Variants in MPPED1 observed in about 807,000 individuals in gnomAD.
MPPED1 encodes metallophosphoesterase domain-containing protein 1.
MPPED1 carries 16 observed loss-of-function variants against 36.2 expected under a neutral mutation model. That is an observed-to-expected ratio of 0.44 (90% CI 0.30 to 0.67). MPPED1 has a LOEUF of 0.67. MPPED1 is among the 30% of genes least tolerant of loss of function. MPPED1 has a pLI of 0.10. For missense variants in MPPED1, 307 were observed against 453.4 expected (o/e 0.68, Z 2.93); for synonymous variants, 199 against 191.3 (o/e 1.04, Z -0.33).
chr22:43,499,591 T>TG (rs1359923798), intron 5 of MPPED1, among the ~76,000 whole-genome samples: 2 of 86,146 alleles, frequency 2.3e-5, no homozygotes, highest in South Asian at 4.5e-4. Flanking sequence ...GTGGTGGTGG[T>TG]AGTGGAGGTG....
At chr22:43,495,497 G>GTGGTGGAAGTGCTGGTGA (rs1932258719) in intron 4 of MPPED1, among the ~76,000 whole-genome samples, 1 of 20,910 alleles carries the variant, frequency 4.8e-5, no homozygotes, top group Non-Finnish European at 7.6e-5. Context: ...GGAGGTAGTG[G>GTGGTGGAAGTGCTGGTGA]TGGTGGAGGT....
intron 1 of MPPED1, 91 bp downstream of exon 1, chr22:43,412,249 C>A: frequency 1.2e-6 from 1 of 825,298 alleles, no homozygotes; most frequent in Non-Finnish European, 1.5e-6. Flanking sequence ...CTGGGCGACG[C>A]CCGCGGCGCT....
At chr22:43,459,404 TA>T (rs1930866970) in intron 3 of MPPED1, among the ~76,000 whole-genome samples, 1 of 152,228 alleles carries the variant, frequency 6.6e-6, no homozygotes, top group African/African-American at 2.4e-5. Context: ...ATTGTTTCTT[TA>T]ACTACTCTTT....
rs116326530 is a variant in MPPED1, at chr22:43,435,298, T to C, written c.406+83T>C. On this transcript the variant is annotated intron_variant, in intron 3 of 6. Coordinates refer to ENST00000443721, the MANE Select transcript of MPPED1 (RefSeq NM_001044370.2). ...AGCTCCCGAGGCTGCCTGCCTGCCT[T>C]TCCCTCCTGCGCTGCCCGGGCCCCC... is the stretch of plus-strand genomic sequence containing the variant. The C allele has an allele frequency of 2.4e-3, 3,487 of 1,452,222 alleles. 73 individuals carry two copies. In the African/African-American group the frequency reaches 0.044, roughly 18 times the overall value. The allele number at this position is 1,452,222 out of a possible 1,614,324, so 90.0% of individuals were successfully genotyped here. A position where few individuals can be genotyped will look rare whatever the true frequency, so the allele number is the denominator to read the frequency against.
chr22:43,507,567 G>T lies in MPPED1; in HGVS notation c.*1951G>T, dbSNP rs1431101923. 6.6e-6 allele frequency: 1 copy of T among 152,188 alleles called. No individual in the cohort carries two copies. The highest frequency in any genetic ancestry group is 6.5e-5 in the Admixed American group (1 of 15,282). The allele number at this position is 152,188 out of a possible 1,614,324, so 9.4% of individuals were successfully genotyped here. ...CATGTGTGCGGGTGGAGAAAAGCAG[G>T]CCCTTTCAGTGCCAGCTCCACTCAA... On this transcript the variant is annotated 3_prime_UTR_variant, in exon 7 of 7. Coordinates refer to ENST00000443721, the MANE Select transcript of MPPED1 (RefSeq NM_001044370.2).
chr22:43,466,295 C>A (rs1440242105), intron 3 of MPPED1, among the ~76,000 whole-genome samples: 1 of 152,082 alleles, frequency 6.6e-6, no homozygotes, highest in African/African-American at 2.4e-5. Context: ...ATTGGGGGGT[C>A]TGCCATCCTA....
At chr22:43,454,027 G>A (rs1249193641) in intron 3 of MPPED1, among the ~76,000 whole-genome samples, 1 of 150,836 alleles carries the variant, frequency 6.6e-6, no homozygotes, top group East Asian at 1.9e-4. Context: ...TTTCTTTATT[G>A]AGACAGAGTT....
chr22:43,419,309 G>C (rs1228519956), intron 1 of MPPED1: 1 of 152,250 alleles, frequency 6.6e-6, no homozygotes, highest in African/African-American at 2.4e-5. Context: ...GGGGCTGTGG[G>C]TGGAGGCTCC....
chr22:43,449,566 C>T (rs959245946), intron 3 of MPPED1, among the ~76,000 whole-genome samples: 1 of 152,094 alleles, frequency 6.6e-6, no homozygotes. Flanking sequence ...GCTAGACCTC[C>T]GCCTGCCTCG....
rs1349528393 is a variant in MPPED1 at position 43,502,465 on chromosome 22, C to T, written c.749-179C>T. On this transcript the variant is annotated intron_variant, in intron 5 of 6. Transcript: ENST00000443721. The surrounding 1 kb of genome is among the most constrained non-coding windows in gnomAD (Gnocchi z 5.5). ...GAGGCTGCAAGGTCCTGAATGGTTTCAGTCCCTGAAGCCTGAGGCAGGGCA... is the reference window on the plus strand; with the variant it reads ...GAGGCTGCAAGGTCCTGAATGGTTTTAGTCCCTGAAGCCTGAGGCAGGGCA... Among the ~76,000 whole-genome samples the T allele has an allele frequency of 1.3e-5, 2 of 152,212 alleles. No homozygotes were observed. The highest frequency in any genetic ancestry group is 2.9e-5 in the Non-Finnish European group (2 of 68,028).
intron 4 of MPPED1, among the ~76,000 whole-genome samples, chr22:43,496,321 G>A (rs1397937633): frequency 5.8e-5 from 3 of 51,468 alleles, no homozygotes; most frequent in African/African-American, 6.3e-4. Context: ...TGGCGGAGAT[G>A]GTGGTGATGG....
chr22:43,457,465 C>T (rs1930794217), intron 3 of MPPED1, among the ~76,000 whole-genome samples: 2 of 152,022 alleles, frequency 1.3e-5, no homozygotes, highest in Admixed American at 6.6e-5. Context: ...AAATTTTAAT[C>T]TCTGCCTTCT....
chr22:43,475,792 T>C (rs548534720), intron 4 of MPPED1, among the ~76,000 whole-genome samples: 7 of 62,534 alleles, frequency 1.1e-4, no homozygotes, highest in Admixed American at 1.0e-3. Context: ...AGGGTGATGA[T>C]AGTATGGTGA....
chr22:43,449,876 C>CG (rs135043), intron 3 of MPPED1, among the ~76,000 whole-genome samples: 60,626 of 152,016 alleles, frequency 0.4, 12,656 homozygotes, highest in East Asian at 0.67. Context: ...AAGTTCCAGG[C>CG]GATGCAGCAT....
chr22:43,498,290 G>A lies in MPPED1; in HGVS notation c.688G>A (p.Glu230Lys). The part of the protein sequence containing the change: ...FNLPRGQALL[E>K]KWNLIPEGVD... ...CCTCCCGCGAGGCCAAGCCCTGCTG[G>A]AGAAATGGAACCTCATTCCCGAAGG... is the stretch of plus-strand genomic sequence containing the variant. The change falls in exon 5 of 7, where the codon GAG becomes AAG. Residue 230 changes from glutamate to lysine, a missense_variant. Physicochemically the swap from Glu to Lys is moderately conservative, Grantham distance 56. This residue lies in a region of MPPED1 where 132 missense variants were observed against 212.3 expected (regional missense o/e 0.62). Coordinates refer to ENST00000443721, the MANE Select transcript of MPPED1 (RefSeq NM_001044370.2). The A allele has an allele frequency of 6.5e-7, 1 of 1,535,426 alleles. No individual in the cohort carries two copies. Among genetic ancestry groups the A allele is most frequent in the Non-Finnish European group, 8.7e-7 (1 of 1,146,574 alleles).
intron 2 of MPPED1, among the ~76,000 whole-genome samples, chr22:43,430,837 C>G (rs1929652247): frequency 6.6e-6 from 1 of 151,810 alleles, no homozygotes; most frequent in Non-Finnish European, 1.5e-5. Context: ...TAGCTGGGAG[C>G]TTGGGCATGG....
intron 4 of MPPED1, among the ~76,000 whole-genome samples, chr22:43,484,920 T>G (rs993687704): frequency 6.6e-6 from 1 of 152,190 alleles, no homozygotes; most frequent in Non-Finnish European, 1.5e-5. Context: ...CTTCTTAGAA[T>G]TCTGAGCCCA....
At chr22:43,418,713 G>A (rs1929161488) in intron 1 of MPPED1, 1 of 157,974 alleles carries the variant, frequency 6.3e-6, no homozygotes, top group East Asian at 1.9e-4. Context: ...CCCAGAGCAG[G>A]AGCAGCAGTG....
intron 3 of MPPED1, among the ~76,000 whole-genome samples, chr22:43,471,895 A>G (rs892631883): frequency 1.3e-5 from 2 of 152,226 alleles, no homozygotes; most frequent in Admixed American, 1.3e-4. Context: ...GAGGAGGGTC[A>G]GGGAGGTGGA....
Sources: allele counts gnomAD v4.1 joint callset (sites outside exome capture counted in the v4.1 genomes callset), GRCh38; gene constraint gnomAD v4.1.1; regional missense constraint gnomAD v4.1.1; non-coding constraint Gnocchi (gnomAD v3.1); transcripts MANE v1.5; gene names NCBI Gene and HGNC (gene_info 2026-07-23, HGNC 2026-07-21).